The following CFAP54 variants were observed in gnomAD, a reference collection of about 807,000 sequenced individuals.
CFAP54 encodes cilia- and flagella-associated protein 54.
A neutral mutation model predicts 370.4 loss-of-function variants in CFAP54; 290 were observed. That is an observed-to-expected ratio of 0.78 (90% CI 0.71 to 0.86). The LOEUF (loss-of-function observed/expected upper bound fraction) is 0.86. Ranked by LOEUF, CFAP54 falls within the 40% of genes least tolerant of loss-of-function variation. The pLI is 0.00. For missense variants in CFAP54, 3,399 were observed against 3,528.7 expected, an observed-to-expected ratio of 0.96 and a Z score of 0.93; for synonymous variants, 1,206 against 1,236.5, an observed-to-expected ratio of 0.98 and a Z score of 0.52.
chr12:96,649,227 A>G (rs1956831825), intron 34 of CFAP54, among the ~76,000 whole-genome samples: 1 of 152,212 alleles, frequency 6.6e-6, no homozygotes, highest in African/African-American at 2.4e-5. Flanking sequence ...GTATGTGCAT[A>G]TCATACTGTG....
chr12:96,493,408 G>GA (rs1954908521), intron 1 of CFAP54, among the ~76,000 whole-genome samples: 1 of 152,198 alleles, frequency 6.6e-6, no homozygotes. Flanking sequence ...AGGCACTCTG[G>GA]ATACAGCAGT....
chr12:96,873,061 A>G (rs1405110938), intron 67 of CFAP54, among the ~76,000 whole-genome samples: 3 of 152,264 alleles, frequency 2.0e-5, no homozygotes, highest in Non-Finnish European at 2.9e-5. Context: ...TAAAATTACT[A>G]AACTCACAAA....
intron 48 of CFAP54, among the ~76,000 whole-genome samples, chr12:96,710,601 C>A (rs1212993563): frequency 6.6e-6 from 1 of 151,942 alleles, no homozygotes; most frequent in East Asian, 1.9e-4. Flanking sequence ...CTTTTACCAT[C>A]TCTAGGAACT....
At chr12:96,702,469 A>G (rs898440125) in intron 46 of CFAP54, among the ~76,000 whole-genome samples, 1 of 152,184 alleles carries the variant, frequency 6.6e-6, no homozygotes, top group African/African-American at 2.4e-5. Flanking sequence ...ACTCACATTT[A>G]GAGTCCAGGA....
intron 40 of CFAP54, among the ~76,000 whole-genome samples, chr12:96,680,082 A>C (rs980263428): frequency 6.6e-6 from 1 of 152,212 alleles, no homozygotes; most frequent in African/African-American, 2.4e-5. Context: ...GTTTTACTTC[A>C]TAAGTAGACG....
chr12:96,571,000 A>G (rs1382495555), intron 19 of CFAP54, among the ~76,000 whole-genome samples: 2 of 152,150 alleles, frequency 1.3e-5, no homozygotes, highest in Non-Finnish European at 2.9e-5. Context: ...TTTTTCTGCA[A>G]TGTACATTAT....
intron 15 of CFAP54, among the ~76,000 whole-genome samples, chr12:96,551,248 C>G (rs1477814119): frequency 6.6e-6 from 1 of 151,926 alleles, no homozygotes; most frequent in Non-Finnish European, 1.5e-5. Context: ...GGAGTGAGAC[C>G]CTGTTGCATA....
chr12:96,860,953 G>A lies in CFAP54; in HGVS notation c.*14+1G>A, dbSNP rs1214050834. The A allele has an allele frequency of 2.6e-6, 4 of 1,523,854 alleles. No homozygotes were observed. The highest frequency in any genetic ancestry group is 3.5e-6 in the Non-Finnish European group (4 of 1,141,906). The allele number at this position is 1,523,854 out of a possible 1,614,324, so 94.4% of individuals were successfully genotyped here. ...TTATTCCCTGAATATCCTATACACGGTAACCTTATACAGGATTTAATTGTT... is the reference window on the plus strand; with the variant it reads ...TTATTCCCTGAATATCCTATACACGATAACCTTATACAGGATTTAATTGTT... On this transcript the variant is annotated splice_donor_variant, in intron 67 of 67. Transcript: ENST00000524981. LOFTEE classifies it low-confidence loss of function (3UTR_SPLICE).
intron 14 of CFAP54, among the ~76,000 whole-genome samples, chr12:96,541,340 C>T (rs184765629): frequency 6.8e-6 from 1 of 146,610 alleles, no homozygotes; most frequent in African/African-American, 2.5e-5. Flanking sequence ...GGCTGGAGTG[C>T]AGTGGCACAA....
chr12:96,565,948 T>C (rs1213790162), intron 19 of CFAP54, among the ~76,000 whole-genome samples: 2 of 152,198 alleles, frequency 1.3e-5, no homozygotes, highest in Non-Finnish European at 1.5e-5. Flanking sequence ...TCCATCCTGT[T>C]CTCATGAAAG....
At chr12:96,624,873 T>A (rs1051373216) in intron 28 of CFAP54, among the ~76,000 whole-genome samples, 2 of 152,222 alleles carry the variant, frequency 1.3e-5, no homozygotes, top group African/African-American at 4.8e-5. Context: ...TTCCCATAAT[T>A]AGTTTACCTA....
intron 62 of CFAP54, among the ~76,000 whole-genome samples, chr12:96,790,299 G>A (rs1304319329): frequency 6.6e-6 from 1 of 151,552 alleles, no homozygotes; most frequent in African/African-American, 2.4e-5. Flanking sequence ...GCAAACCAAG[G>A]TTCTCCTGGT....
intron 66 of CFAP54, 45 bp downstream of exon 66, chr12:96,829,133 A>G (rs778182097): frequency 1.9e-6 from 2 of 1,067,382 alleles, no homozygotes; most frequent in South Asian, 1.5e-5. Flanking sequence ...ACTCACAAGT[A>G]TTATTGCTAT....
intron 34 of CFAP54, 129 bp from the exon 35 acceptor site, chr12:96,649,762 C>G: frequency 1.7e-6 from 1 of 600,854 alleles, no homozygotes. Flanking sequence ...CTCTGATAGT[C>G]TTGTCCTTTC....
At chr12:96,501,716 T>G (rs1955028969) in intron 2 of CFAP54, among the ~76,000 whole-genome samples, 1 of 152,184 alleles carries the variant, frequency 6.6e-6, no homozygotes, top group African/African-American at 2.4e-5. Context: ...TCAACTTCAT[T>G]TTTCCCCTCT....
intron 9 of CFAP54, among the ~76,000 whole-genome samples, chr12:96,531,645 C>T (rs1207814826): frequency 2.0e-5 from 3 of 152,134 alleles, no homozygotes; most frequent in Non-Finnish European, 2.9e-5. Context: ...TCACGAATTT[C>T]ATCTTTGATT....
intron 63 of CFAP54, among the ~76,000 whole-genome samples, chr12:96,796,258 T>C (rs1176036536): frequency 2.0e-5 from 3 of 152,192 alleles, no homozygotes; most frequent in Non-Finnish European, 4.4e-5. Flanking sequence ...TCCATTCGAG[T>C]GGGAACTGCA....
chr12:96,718,515 T>C lies in CFAP54; in HGVS notation c.6797T>C (p.Met2266Thr). ...CTTAAAGATGAGATCACTCTTAGCA[T>C]GCTAAAGGTAAGTTTGAAACTGTTT... is the stretch of plus-strand genomic sequence containing the variant. ...TKLKDEITLS[M>T]LKSMLLMEAE... Residue 2266 changes from methionine (M) to threonine (T), a missense_variant, in exon 49 of 68, where the codon ATG becomes ACG. Around this residue, in one of 3 missense-constraint regions of CFAP54, gnomAD observed 2,796 missense variants for 2,869.7 expected, o/e 0.97. Transcript: ENST00000524981. 6.4e-7 allele frequency: 1 copy of C among 1,558,614 alleles called. No homozygotes were observed. Among genetic ancestry groups the C allele is most frequent in the Non-Finnish European group, 8.8e-7 (1 of 1,132,924 alleles).
rs554796065 is a variant in CFAP54, at chr12:96,816,237, C to T, written c.8958-1538C>T. 1.4e-3 allele frequency among the ~76,000 whole-genome samples: 214 copies of T among 152,092 alleles called. 6 individuals carry two copies. In the South Asian group the frequency reaches 0.043, roughly 31 times the overall value. On this transcript the variant is annotated intron_variant, in intron 64 of 67. Coordinates refer to ENST00000524981, the MANE Select transcript of CFAP54 (RefSeq NM_001306084.2). Reference sequence around the variant, plus strand: ...ATTTGTTTGTGTCCTCTCTTATTTCCTTGAGCAGTGGTTTGTAGTTCTCCT... The same window carrying T: ...ATTTGTTTGTGTCCTCTCTTATTTCTTTGAGCAGTGGTTTGTAGTTCTCCT...
Sources: gnomAD v4.1 joint callset for allele counts (sites outside exome capture counted in the v4.1 genomes callset) on GRCh38, gnomAD v4.1.1 for gene constraint, gnomAD v4.1.1 regional missense constraint, MANE v1.5 for transcripts, NCBI Gene and HGNC (gene_info 2026-07-23, HGNC 2026-07-21) for gene names.